FRRS1: variants seen among roughly 807,000 people sequenced by gnomAD.
FRRS1 encodes ferric reductase 1.
Under a neutral mutation model 70.7 loss-of-function variants are expected in FRRS1, and 51 were observed. The ratio of observed to expected loss-of-function variants is 0.72; its 90% CI spans 0.58 to 0.91. The LOEUF is 0.91. FRRS1 is among the 40% of genes least tolerant of loss of function. The probability of loss-of-function intolerance (pLI) is 0.00; values close to 1 mark genes in which losing one functional copy is unlikely to be tolerated. For missense variants in FRRS1, 672 were observed against 726.0 expected, an observed-to-expected ratio of 0.93 and a Z score of 0.86; for synonymous variants, 225 against 238.7, an observed-to-expected ratio of 0.94 and a Z score of 0.53.
chr1:99,715,041 G>C (rs1654452126), intron 12 of FRRS1, among the ~76,000 whole-genome samples: 1 of 152,072 alleles, frequency 6.6e-6, no homozygotes, highest in Non-Finnish European at 1.5e-5. Flanking sequence ...AAAATATATA[G>C]AGATGAGGCC....
At chr1:99,738,018 G>C in intron 7 of FRRS1, 68 bp downstream of exon 7, 1 of 1,331,958 alleles carries the variant, frequency 7.5e-7, no homozygotes, top group Non-Finnish European at 1.0e-6. Context: ...TGGGATTACA[G>C]GCATGAGCCA....
rs554148850 is a variant in FRRS1, at chr1:99,739,308, G to T, written c.577-1040C>A. ...AACATGGCACAAAGACACAATAAAAGTTCCAACAAGAGCCTTTGATTGAAT... is the reference window on the plus strand; with the variant it reads ...AACATGGCACAAAGACACAATAAAATTTCCAACAAGAGCCTTTGATTGAAT... On this transcript the variant is annotated intron_variant, in intron 6 of 16. Coordinates refer to ENST00000646001, the MANE Select transcript of FRRS1 (RefSeq NM_001361041.2). Among the ~76,000 whole-genome samples the T allele has an allele frequency of 9.2e-5, 14 of 152,248 alleles. 1 individual carries two copies. The South Asian group carries it at 2.9e-3, about 32-fold the overall frequency.
chr1:99,742,765 C>A (rs1410497033), intron 4 of FRRS1, among the ~76,000 whole-genome samples: 1 of 152,202 alleles, frequency 6.6e-6, no homozygotes, highest in Non-Finnish European at 1.5e-5. Context: ...TTCACCTCCT[C>A]CAAGAAGCTC....
intron 1 of FRRS1, among the ~76,000 whole-genome samples, chr1:99,762,468 T>C (rs1657152080): frequency 6.7e-6 from 1 of 148,636 alleles, no homozygotes; most frequent in African/African-American, 2.5e-5. Context: ...TCTTTCTTTC[T>C]TTTTTTTTCC....
chr1:99,761,446 T>C (rs1657108592), intron 1 of FRRS1, among the ~76,000 whole-genome samples: 1 of 152,198 alleles, frequency 6.6e-6, no homozygotes, highest in Non-Finnish European at 1.5e-5. Flanking sequence ...ATTTTCTTTA[T>C]TCATTTTCTG....
At chr1:99,739,414 G>C (rs1483298349) in intron 6 of FRRS1, among the ~76,000 whole-genome samples, 1 of 152,156 alleles carries the variant, frequency 6.6e-6, no homozygotes, top group Non-Finnish European at 1.5e-5. Context: ...CCCTAAAGCA[G>C]CTTTTAATTA....
rs985598795 is a variant in FRRS1, at chr1:99,706,363, C to A, written c.*2665G>T. Among the ~76,000 whole-genome samples the A allele has an allele frequency of 1.3e-5, 2 of 149,844 alleles. No individual in the cohort carries two copies. The highest frequency in any genetic ancestry group is 3.0e-5 in the Non-Finnish European group (2 of 67,672). ...GGTCAAGGCTGCAGTGGGCTAAGAT[C>A]GCACCACTGCACTCCAGCCTGGGCA... On this transcript the variant is annotated 3_prime_UTR_variant, in exon 17 of 17. Coordinates refer to ENST00000646001, the MANE Select transcript of FRRS1 (RefSeq NM_001361041.2).
In FRRS1 at chr1:99,705,437, C is replaced by T. The variant is rs1224888260; in HGVS notation, c.*3591G>A. On this transcript the variant is annotated 3_prime_UTR_variant, in exon 17 of 17. Transcript: ENST00000646001. ...GAAGAATCTTTCCTTTCATTCCAAC[C>T]TATAATGGATTATCTTAAACAAGGA... 6.6e-6 allele frequency among the ~76,000 whole-genome samples: 1 copy of T among 152,188 alleles called. No homozygotes were observed. The highest frequency in any genetic ancestry group is 1.9e-4 in the East Asian group (1 of 5,194).
At chr1:99,741,121 A>G (rs538668605) in intron 5 of FRRS1, among the ~76,000 whole-genome samples, 181 bp from the exon 6 acceptor site, 3 of 152,256 alleles carry the variant, frequency 2.0e-5, no homozygotes, top group Admixed American at 1.3e-4. Flanking sequence ...TCACTTGACA[A>G]ATTTTTATTG....
At chr1:99,758,425 C>A (rs2101000901) in intron 1 of FRRS1, among the ~76,000 whole-genome samples, 1 of 152,296 alleles carries the variant, frequency 6.6e-6, no homozygotes, top group Non-Finnish European at 1.5e-5. Flanking sequence ...GGAGCCATGG[C>A]AGAGGAACAT....
At chr1:99,737,095 C>T (rs1655712735) in intron 7 of FRRS1, among the ~76,000 whole-genome samples, 1 of 152,078 alleles carries the variant, frequency 6.6e-6, no homozygotes, top group Non-Finnish European at 1.5e-5. Context: ...CCCTATGCCC[C>T]AAGGCCCACT....
chr1:99,710,953 C>T lies in FRRS1; in HGVS notation c.1481-4G>A. On this transcript the variant is annotated splice_polypyrimidine_tract_variant and splice_region_variant and intron_variant, in intron 14 of 16. Transcript: ENST00000646001. ...ATTCCCAGGAACATCGCTGCCACTA[C>T]ATACAAAAGAAAAAAGTTACATTCA... 2.5e-6 allele frequency: 4 copies of T among 1,610,276 alleles called. No individual in the cohort carries two copies. Among genetic ancestry groups the T allele is most frequent in the Non-Finnish European group, 3.4e-6 (4 of 1,177,504 alleles).
chr1:99,766,272 T>G (rs1325691799), intron 1 of FRRS1, among the ~76,000 whole-genome samples: 1 of 152,038 alleles, frequency 6.6e-6, no homozygotes, highest in Admixed American at 6.6e-5. Context: ...GTTCCTACAG[T>G]TTTAAATTTA....
chr1:99,761,130 T>TG (rs1199949859), intron 1 of FRRS1, among the ~76,000 whole-genome samples: 3 of 148,274 alleles, frequency 2.0e-5, no homozygotes, highest in South Asian at 2.2e-4. Context: ...AATTTTGTTT[T>TG]GGGGGGGTGG....
chr1:99,747,182 G>T, intron 4 of FRRS1, 112 bp downstream of exon 4: 1 of 716,814 alleles, frequency 1.4e-6, no homozygotes, highest in Non-Finnish European at 2.3e-6. Context: ...TAGGCTATTT[G>T]TAGTTAAGTC....
rs1358216920 is a variant in FRRS1 at position 99,704,308 on chromosome 1, T to C, written c.*4720A>G. Among the ~76,000 whole-genome samples, 3 of 152,190 alleles carry C rather than the reference T, an allele frequency of 2.0e-5. No individual in the cohort carries two copies. The highest frequency in any genetic ancestry group is 4.4e-5 in the Non-Finnish European group (3 of 68,034). The stretch of plus-strand genomic sequence containing the variant: ...GTCCTTTTTAATTTACAGGATCAGC[T>C]GCCTCCCATCCCATTTATAAGGATG... On this transcript the variant is annotated 3_prime_UTR_variant, in exon 17 of 17. Coordinates refer to ENST00000646001, the MANE Select transcript of FRRS1 (RefSeq NM_001361041.2).
rs373262536 is a variant in FRRS1 at position 99,719,504 on chromosome 1, T to A, written c.1120+30A>T. 2.1e-4 allele frequency: 239 copies of A among 1,160,192 alleles called. No homozygotes were observed. In the African/African-American group the frequency reaches 3.4e-3, roughly 16 times the overall value. The allele number at this position is 1,160,192 out of a possible 1,614,324, so 71.9% of individuals were successfully genotyped here. Reference sequence around the variant, plus strand: ...AGCACTGAGTCAGCAGGTAAGTTGATTCCACAAAGTAGTTACACATGTAAC... The same window carrying A: ...AGCACTGAGTCAGCAGGTAAGTTGAATCCACAAAGTAGTTACACATGTAAC... On this transcript the variant is annotated intron_variant, in intron 10 of 16. Coordinates refer to ENST00000646001, the MANE Select transcript of FRRS1 (RefSeq NM_001361041.2).
rs1169601910 is a variant in FRRS1, at chr1:99,708,150, A to G, written c.*878T>C. Among the ~76,000 whole-genome samples, 2 of 152,212 alleles carry G rather than the reference A, an allele frequency of 1.3e-5. No homozygotes were observed. Among genetic ancestry groups the G allele is most frequent in the Non-Finnish European group, 2.9e-5 (2 of 68,040 alleles). On this transcript the variant is annotated 3_prime_UTR_variant, in exon 17 of 17. Transcript: ENST00000646001. ...CTACAATGGCATCTGCTTCACTTCT[A>G]CCTTTACTAGAGAAGTAACAAAATA...
At chr1:99,764,344 G>A (rs1657257216) in intron 1 of FRRS1, among the ~76,000 whole-genome samples, 1 of 152,168 alleles carries the variant, frequency 6.6e-6, no homozygotes, top group Non-Finnish European at 1.5e-5. Flanking sequence ...TTCAGGATGG[G>A]AAGAGTGGGC....
Sources: allele counts gnomAD v4.1 joint callset (sites outside exome capture counted in the v4.1 genomes callset), GRCh38; gene constraint gnomAD v4.1.1; transcripts MANE v1.5; gene names NCBI Gene and HGNC (gene_info 2026-07-23, HGNC 2026-07-21).